Variants in L3MBTL4 observed in about 807,000 individuals in gnomAD.
L3MBTL4 encodes lethal(3)malignant brain tumor-like protein 4.
L3MBTL4 carries 70 observed loss-of-function variants against 84.5 expected under a neutral mutation model. That is an observed-to-expected ratio of 0.83 (90% CI 0.68 to 1.01). L3MBTL4 has a LOEUF of 1.01. Among genes scored for constraint, L3MBTL4 ranks in the 50% least tolerant of loss-of-function variants. The probability of loss-of-function intolerance (pLI) is 0.00; values close to 1 mark genes in which losing one functional copy is unlikely to be tolerated. For synonymous variants in L3MBTL4, 274 were observed against 259.8 expected (o/e 1.05, Z -0.52); for missense variants, 715 against 754.8 (o/e 0.95, Z 0.62).
intron 10 of L3MBTL4, among the ~76,000 whole-genome samples, chr18:6,223,800 G>A (rs2046662879): frequency 6.6e-6 from 1 of 152,146 alleles, no homozygotes; most frequent in Non-Finnish European, 1.5e-5. Context: ...TTCTCCGGCT[G>A]AAATGGAAAG....
intron 12 of L3MBTL4, among the ~76,000 whole-genome samples, chr18:6,211,049 C>A (rs1245289955): frequency 1.3e-5 from 2 of 152,184 alleles, no homozygotes; most frequent in Non-Finnish European, 2.9e-5. Context: ...TTGTTGACGC[C>A]ATCACTTTAC....
At chr18:6,024,358 A>T (rs2055407284) in intron 16 of L3MBTL4, among the ~76,000 whole-genome samples, 1 of 152,214 alleles carries the variant, frequency 6.6e-6, no homozygotes, top group Admixed American at 6.5e-5. Context: ...TTTTACTGTC[A>T]TCTCAAAAAC....
In L3MBTL4 at chr18:6,063,299, CTGTGTG is replaced by C. The variant is rs61413638; in HGVS notation, c.1444+17576_1444+17581del. Reference sequence around the variant, plus strand: ...CTGAGACTTGCGCTACTATAAATATCTGTGTGTGTGTGTGTGTGTGTGTGTGTGTGT... The same window carrying C: ...CTGAGACTTGCGCTACTATAAATATCTGTGTGTGTGTGTGTGTGTGTGTGT... On this transcript the variant is annotated intron_variant, in intron 16 of 18. Transcript: ENST00000317931. Among the ~76,000 whole-genome samples, 395 of 141,232 alleles carry C rather than the reference CTGTGTG, an allele frequency of 2.8e-3. 1 individual carries two copies. Among genetic ancestry groups the C allele is most frequent in the Non-Finnish European group, 3.0e-3 (191 of 64,580 alleles). The allele number at this position is 141,232 out of a possible 152,430, so 92.7% of individuals were successfully genotyped here. A position where few individuals can be genotyped will look rare whatever the true frequency, so the allele number is the denominator to read the frequency against.
intron 16 of L3MBTL4, among the ~76,000 whole-genome samples, chr18:6,063,692 T>G (rs545796041): frequency 3.9e-5 from 6 of 152,020 alleles, no homozygotes; most frequent in Non-Finnish European, 8.8e-5. Context: ...GCCCACTTTT[T>G]GATGAGATTA....
At chr18:6,210,621 G>A (rs1260771307) in intron 12 of L3MBTL4, among the ~76,000 whole-genome samples, 1 of 152,162 alleles carries the variant, frequency 6.6e-6, no homozygotes, top group Non-Finnish European at 1.5e-5. Flanking sequence ...CTCATGTAAA[G>A]CCCTTAGAAC....
chr18:6,081,813 T>A (rs1201589915), intron 15 of L3MBTL4, among the ~76,000 whole-genome samples: 1 of 152,232 alleles, frequency 6.6e-6, no homozygotes, highest in South Asian at 2.1e-4. Flanking sequence ...TGTATCTATA[T>A]GTTTATTTGT....
intron 12 of L3MBTL4, among the ~76,000 whole-genome samples, chr18:6,181,150 G>A (rs888826411): frequency 8.7e-5 from 13 of 149,696 alleles, no homozygotes; most frequent in African/African-American, 3.3e-4. Flanking sequence ...TGTTTGAGGT[G>A]AGGACAATTT....
At chr18:6,196,301 G>A (rs939756714) in intron 12 of L3MBTL4, among the ~76,000 whole-genome samples, 1 of 151,852 alleles carries the variant, frequency 6.6e-6, no homozygotes, top group African/African-American at 2.4e-5. Context: ...GGGACTACAG[G>A]CGCCCGCCAC....
intron 1 of L3MBTL4, among the ~76,000 whole-genome samples, chr18:6,345,390 C>T (rs780541692): frequency 1.7e-4 from 26 of 151,696 alleles, no homozygotes; most frequent in Admixed American, 3.3e-4. Flanking sequence ...AGTAAGACTC[C>T]GTCTCAAAAA....
chr18:6,118,527 C>T (rs767510614), intron 14 of L3MBTL4, among the ~76,000 whole-genome samples: 1 of 152,058 alleles, frequency 6.6e-6, no homozygotes, highest in Non-Finnish European at 1.5e-5. Context: ...TGCTTAAGGG[C>T]ATTCAATACA....
Position 6,198,745 on chromosome 18 carries a change from G to C in L3MBTL4, c.981+14404C>G, listed in dbSNP as rs750639789. ...ATTCAAAGGGGACAGTGTAATCACT[G>C]TCTAACTGACAAGGAATTTAAGTGT... On this transcript the variant is annotated intron_variant, in intron 12 of 18. Coordinates refer to ENST00000317931, the MANE Select transcript of L3MBTL4 (RefSeq NM_001330559.2). 5.6e-4 allele frequency among the ~76,000 whole-genome samples: 86 copies of C among 152,298 alleles called. 1 individual carries two copies. Among genetic ancestry groups the C allele is most frequent in the Non-Finnish European group, 9.8e-4 (67 of 68,022 alleles).
At chr18:6,165,208 G>T (rs536841373) in intron 13 of L3MBTL4, among the ~76,000 whole-genome samples, 56 of 152,302 alleles carry the variant, frequency 3.7e-4, no homozygotes, top group African/African-American at 1.3e-3. Context: ...CATCTGATTG[G>T]TGTACCTGAA....
intron 16 of L3MBTL4, among the ~76,000 whole-genome samples, chr18:6,061,197 T>G (rs1194718536): frequency 1.3e-5 from 2 of 152,106 alleles, no homozygotes; most frequent in East Asian, 3.9e-4. Flanking sequence ...TTTTAGCCCT[T>G]CTAGCAGGTT....
intron 5 of L3MBTL4, among the ~76,000 whole-genome samples, chr18:6,250,810 AT>A (rs1298620580): frequency 3.3e-5 from 5 of 152,204 alleles, no homozygotes; most frequent in African/African-American, 1.2e-4. Flanking sequence ...CAAAAACAAA[AT>A]TTCTTACTAC....
At chr18:6,052,645 C>T (rs1189476094) in intron 16 of L3MBTL4, among the ~76,000 whole-genome samples, 3 of 152,188 alleles carry the variant, frequency 2.0e-5, no homozygotes, top group Non-Finnish European at 4.4e-5. Context: ...GGGCAAGTTA[C>T]ACAATTCTTA....
At chr18:5,994,456 G>T (rs920831205) in intron 16 of L3MBTL4, among the ~76,000 whole-genome samples, 8 of 152,132 alleles carry the variant, frequency 5.3e-5, no homozygotes, top group Admixed American at 4.6e-4. Context: ...GCCACTTCTT[G>T]TTCTAATTTT....
intron 13 of L3MBTL4, among the ~76,000 whole-genome samples, chr18:6,144,879 A>T (rs984697411): frequency 6.6e-6 from 1 of 152,230 alleles, no homozygotes; most frequent in African/African-American, 2.4e-5. Context: ...ACAAATGCAA[A>T]GGTGTTGAGG....
intron 16 of L3MBTL4, among the ~76,000 whole-genome samples, chr18:6,024,190 G>A (rs1401879534): frequency 2.0e-5 from 3 of 152,084 alleles, no homozygotes; most frequent in Non-Finnish European, 2.9e-5. Context: ...TTACTTCTTT[G>A]ACAGCATTCT....
chr18:6,080,853 T>G, intron 16 of L3MBTL4, 28 bp downstream of exon 16: 1 of 1,469,468 alleles, frequency 6.8e-7, no homozygotes, highest in Non-Finnish European at 9.5e-7. Flanking sequence ...AAGTATATTC[T>G]GTGTTTTGCT....
Sources: gnomAD v4.1 joint callset for allele counts (sites outside exome capture counted in the v4.1 genomes callset) on GRCh38, gnomAD v4.1.1 for gene constraint, MANE v1.5 for transcripts, NCBI Gene and HGNC (gene_info 2026-07-23, HGNC 2026-07-21) for gene names.